Variants in SLCO3A1 observed in about 807,000 individuals in gnomAD.
SLCO3A1 encodes the protein PGE1 transporter.
Under a neutral mutation model 63.1 loss-of-function variants are expected in SLCO3A1, and 27 were observed. The ratio of observed to expected loss-of-function variants is 0.43; its 90% CI spans 0.32 to 0.59. The LOEUF (loss-of-function observed/expected upper bound fraction) is 0.59, where lower values mean the gene tolerates loss of function less well. Among genes scored for constraint, SLCO3A1 ranks in the 20% least tolerant of loss-of-function variants. The probability of loss-of-function intolerance (pLI) is 0.09; values close to 1 mark genes in which losing one functional copy is unlikely to be tolerated. For synonymous variants in SLCO3A1, 473 were observed against 409.9 expected (o/e 1.15, Z -1.86); for missense variants, 773 against 945.8 (o/e 0.82, Z 2.40).
chr15:91,987,207 C>T lies in SLCO3A1; in HGVS notation c.646+70749C>T, dbSNP rs541080887. Among the ~76,000 whole-genome samples, 27 of 152,272 alleles carry T rather than the reference C, an allele frequency of 1.8e-4. No homozygotes were observed. The East Asian group carries it at 3.9e-3, about 22-fold the overall frequency. ...TAAGGGAACAAAACCCAGTTCTTTGCGTTGTGTCGGTAGGTGCCACATGAA... is the reference window on the plus strand; with the variant it reads ...TAAGGGAACAAAACCCAGTTCTTTGTGTTGTGTCGGTAGGTGCCACATGAA... On this transcript the variant is annotated intron_variant, in intron 2 of 9. Transcript: ENST00000318445.
intron 2 of SLCO3A1, among the ~76,000 whole-genome samples, chr15:92,004,442 CAAT>C (rs1386561125): frequency 6.6e-6 from 1 of 152,192 alleles, no homozygotes; most frequent in African/African-American, 2.4e-5. Flanking sequence ...GCAGTGATGA[CAAT>C]GATGATGACT....
chr15:92,015,397 C>G (rs906105046), intron 2 of SLCO3A1, among the ~76,000 whole-genome samples: 11 of 152,058 alleles, frequency 7.2e-5, no homozygotes, highest in Admixed American at 3.9e-4. Flanking sequence ...CTTCGCAAGG[C>G]AGCAGAAAGA....
At chr15:92,101,132 CAG>C (rs769549637) in intron 3 of SLCO3A1, among the ~76,000 whole-genome samples, 128 of 152,348 alleles carry the variant, frequency 8.4e-4, no homozygotes, top group Non-Finnish European at 1.6e-3. Context: ...AGTTCTGAAA[CAG>C]TGTCTGTAGA....
intron 3 of SLCO3A1, among the ~76,000 whole-genome samples, chr15:92,102,508 G>A (rs1372491590): frequency 6.6e-6 from 1 of 152,198 alleles, no homozygotes; most frequent in Non-Finnish European, 1.5e-5. Context: ...TGCAAATGAT[G>A]CAGCTAAGAC....
At chr15:91,965,674 A>G (rs1303964236) in intron 2 of SLCO3A1, among the ~76,000 whole-genome samples, 2 of 152,066 alleles carry the variant, frequency 1.3e-5, no homozygotes, top group Admixed American at 1.3e-4. Flanking sequence ...CCAAGTCCAA[A>G]GGAATCTTTT....
chr15:91,913,372 C>T (rs1049383252), intron 1 of SLCO3A1, among the ~76,000 whole-genome samples: 4 of 152,218 alleles, frequency 2.6e-5, no homozygotes, highest in African/African-American at 9.6e-5. Flanking sequence ...TGCTCACTGC[C>T]ATTAGAATCA....
intron 2 of SLCO3A1, among the ~76,000 whole-genome samples, chr15:91,995,875 A>G (rs2046186299): frequency 6.6e-6 from 1 of 152,196 alleles, no homozygotes; most frequent in African/African-American, 2.4e-5. Context: ...CATAGAAGGT[A>G]ACTTCCTTAT....
intron 2 of SLCO3A1, among the ~76,000 whole-genome samples, chr15:91,985,918 TTCGA>T (rs1244577031): frequency 9.2e-5 from 14 of 152,054 alleles, no homozygotes; most frequent in Admixed American, 9.2e-4. Context: ...GGGGGAGGCC[TTCGA>T]GGAGCAGGAT....
At position 91,937,898 on chromosome 15, in the gene SLCO3A1, G is replaced by T. The variant is rs184261997; in HGVS notation, c.646+21440G>T. Among the ~76,000 whole-genome samples, 494 of 152,138 alleles carry T rather than the reference G, an allele frequency of 3.2e-3. 3 individuals are homozygous for T. The highest frequency in any genetic ancestry group is 0.011 in the African/African-American group (463 of 41,508). Reference sequence around the variant, plus strand: ...GTCTTGCATAATTGACTTAACCTTGGTTTTCACATCTGTAAATTTTGGAGG... The same window carrying T: ...GTCTTGCATAATTGACTTAACCTTGTTTTTCACATCTGTAAATTTTGGAGG... On this transcript the variant is annotated intron_variant, in intron 2 of 9. Transcript: ENST00000318445.
At chr15:91,888,093 T>A (rs1897772589) in intron 1 of SLCO3A1, among the ~76,000 whole-genome samples, 1 of 152,228 alleles carries the variant, frequency 6.6e-6, no homozygotes, top group Admixed American at 6.5e-5. Context: ...GCTTTAATTA[T>A]GCTCTTGTTT....
At position 91,916,472 on chromosome 15, in the gene SLCO3A1, C is replaced by T. The variant is rs766408758; in HGVS notation, c.646+14C>T. ...CGCTCTATATAGGTAGGAGCTGCCC[C>T]AGCCGTATTAGCAAGAGACCAGGGT... On this transcript the variant is annotated intron_variant, in intron 2 of 9. Transcript: ENST00000318445. This position sits in a 1 kb window ranked among gnomAD's most constrained non-coding sequence, Gnocchi z 6.2. 1.2e-5 allele frequency: 19 copies of T among 1,568,928 alleles called. No homozygotes were observed. In the South Asian group the frequency reaches 2.0e-4, roughly 16 times the overall value.
intron 2 of SLCO3A1, among the ~76,000 whole-genome samples, chr15:91,995,843 G>C (rs1370792141): frequency 1.3e-5 from 2 of 148,622 alleles, no homozygotes; most frequent in Non-Finnish European, 3.0e-5. Context: ...ATATTACAAA[G>C]CAATACTCAT....
At chr15:92,083,606 G>A (rs2047372364) in intron 2 of SLCO3A1, among the ~76,000 whole-genome samples, 1 of 152,150 alleles carries the variant, frequency 6.6e-6, no homozygotes, top group South Asian at 2.1e-4. Flanking sequence ...AATCGTATTT[G>A]TCTCTAAGCT....
In SLCO3A1 at chr15:92,120,666, G is replaced by T. The variant is rs780305304; in HGVS notation, c.1174+37G>T. On this transcript the variant is annotated intron_variant, in intron 5 of 9. Transcript: ENST00000318445. Reference sequence around the variant, plus strand: ...CTCAGGCCTCCTGAGAGGGTCGGGGGAGGGTGTCCTGTGTGTAAGGCACTA... The same window carrying T: ...CTCAGGCCTCCTGAGAGGGTCGGGGTAGGGTGTCCTGTGTGTAAGGCACTA... 7 of 1,599,142 alleles carry T rather than the reference G, an allele frequency of 4.4e-6. No individual in the cohort carries two copies. The Admixed American group carries it at 6.7e-5, about 15-fold the overall frequency.
intron 2 of SLCO3A1, among the ~76,000 whole-genome samples, chr15:92,083,227 A>C (rs1376838268): frequency 6.6e-6 from 1 of 152,188 alleles, no homozygotes; most frequent in East Asian, 1.9e-4. Context: ...AGCAAATCTC[A>C]AGATTCCTCT....
chr15:91,858,181 A>G (rs1896970941), intron 1 of SLCO3A1, among the ~76,000 whole-genome samples: 1 of 152,084 alleles, frequency 6.6e-6, no homozygotes, highest in South Asian at 2.1e-4. Flanking sequence ...AGAAGCAGAC[A>G]GCTCAGGAAA....
Position 91,900,997 on chromosome 15 carries a change from C to T in SLCO3A1, c.181-14996C>T, listed in dbSNP as rs890336232. Among the ~76,000 whole-genome samples, 4 of 151,994 alleles carry T rather than the reference C, an allele frequency of 2.6e-5. No homozygotes were observed. The highest frequency in any genetic ancestry group is 7.2e-5 in the African/African-American group (3 of 41,382). On this transcript the variant is annotated intron_variant, in intron 1 of 9. Coordinates refer to ENST00000318445, the MANE Select transcript of SLCO3A1 (RefSeq NM_013272.4). The surrounding 1 kb of genome is among the most constrained non-coding windows in gnomAD (Gnocchi z 4.3). ...GATTTTTACTTCATGTATTATGGGG[C>T]TCTATTCTTAGGTTGATGTAGTTGC... is the stretch of plus-strand genomic sequence containing the variant.
At position 91,935,296 on chromosome 15, in the gene SLCO3A1, A is replaced by G. The variant is rs1899371314; in HGVS notation, c.646+18838A>G. Among the ~76,000 whole-genome samples, 3 of 152,188 alleles carry G rather than the reference A, an allele frequency of 2.0e-5. No homozygotes were observed. The South Asian group carries it at 6.2e-4, about 31-fold the overall frequency. ...AAGAAATAGTAAGGGTTCAATGGTG[A>G]GAAGTGGCCTTTTAAGTTGCAAGAA... On this transcript the variant is annotated intron_variant, in intron 2 of 9. Coordinates refer to ENST00000318445, the MANE Select transcript of SLCO3A1 (RefSeq NM_013272.4).
intron 2 of SLCO3A1, among the ~76,000 whole-genome samples, chr15:92,013,097 G>T (rs1452122965): frequency 6.6e-6 from 1 of 152,212 alleles, no homozygotes; most frequent in Non-Finnish European, 1.5e-5. Context: ...TGGACTAGAA[G>T]AAAGGAAGCC....
Sources: gnomAD v4.1 joint callset for allele counts (sites outside exome capture counted in the v4.1 genomes callset) on GRCh38, gnomAD v4.1.1 for gene constraint, Gnocchi (gnomAD v3.1) non-coding constraint, MANE v1.5 for transcripts, NCBI Gene and HGNC (gene_info 2026-07-23, HGNC 2026-07-21) for gene names.